The following CEMIP2 variants were observed in gnomAD, a reference collection of about 807,000 sequenced individuals.
The protein encoded by CEMIP2 is cell migration inducing hyaluronidase 2.
In CEMIP2, 79 loss-of-function variants were observed where a neutral mutation model predicts 146.9. The observed-to-expected ratio is 0.54, with a 90% CI of 0.45 to 0.65. The LOEUF is 0.65. Among genes scored for constraint, CEMIP2 ranks in the 30% least tolerant of loss-of-function variants. The pLI is 0.00. For missense variants in CEMIP2, 1,596 were observed against 1,696.2 expected (o/e 0.94, Z 1.04); for synonymous variants, 601 against 606.3 (o/e 0.99, Z 0.13).
chr9:71,689,940 G>A, intron 22 of CEMIP2, 152 bp downstream of exon 22: 2 of 918,086 alleles, frequency 2.2e-6, no homozygotes, highest in South Asian at 3.9e-5. Context: ...GACGACATGG[G>A]CGTCAATCTG....
At chr9:71,713,037 T>G (rs1232731101) in intron 15 of CEMIP2, among the ~76,000 whole-genome samples, 2 of 152,206 alleles carry the variant, frequency 1.3e-5, no homozygotes, top group Non-Finnish European at 2.9e-5. Context: ...TAGCCTAGTT[T>G]GAAAACCTTC....
At position 71,683,519 on chromosome 9, in the gene CEMIP2, AAC is replaced by A. The variant is rs59888879; in HGVS notation, c.*1676_*1677del. 0.12 allele frequency: 15,673 copies of A among 134,536 alleles called. 1,145 individuals are homozygous for A. The highest frequency in any genetic ancestry group is 0.17 in the Non-Finnish European group (10,659 of 63,968). The allele number at this position is 134,536 out of a possible 1,614,324, so 8.3% of individuals were successfully genotyped here. On this transcript the variant is annotated 3_prime_UTR_variant, in exon 24 of 24. Coordinates refer to ENST00000377044, the MANE Select transcript of CEMIP2 (RefSeq NM_013390.3). ...ACACGTAAAGATATTTAAGTCATAA[AAC>A]ACACACACACACACACACACACACA... is the stretch of plus-strand genomic sequence containing the variant.
At chr9:71,740,298 A>G (rs1427024343) in intron 4 of CEMIP2, 66 bp from the exon 5 acceptor site, 10 of 1,564,868 alleles carry the variant, frequency 6.4e-6, no homozygotes, top group Non-Finnish European at 1.7e-6. Context: ...CCTGACAAAG[A>G]TGTTATTACA....
Position 71,718,336 on chromosome 9 carries a change from T to C in CEMIP2, c.2268-257A>G, listed in dbSNP as rs140551509. 7.9e-3 allele frequency among the ~76,000 whole-genome samples: 1,200 copies of C among 152,316 alleles called. 9 individuals are homozygous for C. The highest frequency in any genetic ancestry group is 0.012 in the Non-Finnish European group (822 of 68,030). ...ATCAATTAAAATGGACACTGCAGAA[T>C]ATTATTGCATAAAAATCATTTCCAA... On this transcript the variant is annotated intron_variant, in intron 12 of 23. Transcript: ENST00000377044.
Position 71,706,106 on chromosome 9 carries a change from G to A in CEMIP2, c.2986-1303C>T, listed in dbSNP as rs554981268. 4.6e-5 allele frequency among the ~76,000 whole-genome samples: 7 copies of A among 152,056 alleles called. 1 individual carries two copies. The South Asian group carries it at 1.5e-3, about 32-fold the overall frequency. On this transcript the variant is annotated intron_variant, in intron 17 of 23. Transcript: ENST00000377044. ...TAGCCAGGTGTGGTGGCGGGTGCCT[G>A]TAATCCCAGCTACTTGGGAGGCTGA...
At chr9:71,715,475 C>T (rs181587364) in intron 14 of CEMIP2, among the ~76,000 whole-genome samples, 1 of 151,090 alleles carries the variant, frequency 6.6e-6, no homozygotes, top group Admixed American at 6.6e-5. Flanking sequence ...AAACTCTTGG[C>T]CTCAAGTGAT....
intron 10 of CEMIP2, among the ~76,000 whole-genome samples, chr9:71,727,616 C>T (rs974885905): frequency 6.6e-6 from 1 of 152,092 alleles, no homozygotes; most frequent in Non-Finnish European, 1.5e-5. Flanking sequence ...TTTGCTTCAT[C>T]TTAGCAAACA....
At chr9:71,695,923 C>G (rs1822387108) in intron 20 of CEMIP2, among the ~76,000 whole-genome samples, 2 of 151,934 alleles carry the variant, frequency 1.3e-5, no homozygotes, top group South Asian at 4.2e-4. Flanking sequence ...TGAGACCAGC[C>G]TAGGCAACAT....
At chr9:71,742,091 C>G (rs1342222647) in intron 4 of CEMIP2, among the ~76,000 whole-genome samples, 1 of 152,058 alleles carries the variant, frequency 6.6e-6, no homozygotes, top group South Asian at 2.1e-4. Flanking sequence ...TGTCAACTTC[C>G]CACTCTAGAA....
chr9:71,709,775 C>A (rs982835201), intron 16 of CEMIP2, among the ~76,000 whole-genome samples: 10 of 152,076 alleles, frequency 6.6e-5, no homozygotes, highest in Admixed American at 3.3e-4. Flanking sequence ...GTTCTCCAGA[C>A]AAAACTCATT....
At chr9:71,691,193 G>A (rs1395812814) in intron 21 of CEMIP2, among the ~76,000 whole-genome samples, 5 of 152,116 alleles carry the variant, frequency 3.3e-5, no homozygotes, top group African/African-American at 1.2e-4. Context: ...AGCACTTTGG[G>A]AGGTTGAGGT....
chr9:71,739,645 C>A (rs1823859681), intron 5 of CEMIP2, among the ~76,000 whole-genome samples: 2 of 152,130 alleles, frequency 1.3e-5, no homozygotes, highest in Non-Finnish European at 2.9e-5. Context: ...TTCAGCACCC[C>A]CAACTCAGCT....
At chr9:71,715,999 C>T (rs985592052) in intron 14 of CEMIP2, among the ~76,000 whole-genome samples, 2 of 151,946 alleles carry the variant, frequency 1.3e-5, no homozygotes, top group African/African-American at 4.8e-5. Flanking sequence ...ATTGATTGCT[C>T]TAGTCTCAAG....
At chr9:71,729,816 A>T in intron 10 of CEMIP2, 29 bp downstream of exon 10, 6 of 1,603,212 alleles carry the variant, frequency 3.7e-6, no homozygotes, top group Non-Finnish European at 5.1e-6. Flanking sequence ...AAACATTAAA[A>T]CATCTGAGGT....
intron 17 of CEMIP2, 96 bp from the exon 18 acceptor site, chr9:71,704,899 A>G: frequency 8.4e-7 from 1 of 1,193,462 alleles, no homozygotes; most frequent in Admixed American, 2.0e-5. Flanking sequence ...CAACTTTGAA[A>G]AGGGAGATTC....
rs1202446374 is a variant in CEMIP2 at position 71,718,020 on chromosome 9, C to T, written c.2327G>A (p.Arg776Lys). 1.2e-6 allele frequency: 2 copies of T among 1,613,024 alleles called. No individual in the cohort carries two copies. The highest frequency in any genetic ancestry group is 1.3e-5 in the African/African-American group (1 of 74,852). Residue 776 changes from arginine to lysine, a missense_variant, in exon 13 of 24, where the codon AGG becomes AAG. Transcript: ENST00000377044. Reference protein sequence around the residue: ...EKPRVAALIDRLIAFKNNDNG... With the variant: ...EKPRVAALIDKLIAFKNNDNG... Reference sequence around the variant, plus strand: ...ATCATTATTTTTAAAAGCAATGAGCCTGTCAATTAGAGCAGCAACACGTGG... The same window carrying T: ...ATCATTATTTTTAAAAGCAATGAGCTTGTCAATTAGAGCAGCAACACGTGG...
chr9:71,764,440 C>A (rs1824728098), intron 1 of CEMIP2, among the ~76,000 whole-genome samples: 1 of 151,592 alleles, frequency 6.6e-6, no homozygotes, highest in Non-Finnish European at 1.5e-5. Flanking sequence ...AAAGTGCTGA[C>A]TGGAAACAGG....
chr9:71,734,124 A>G (rs1589153522), intron 6 of CEMIP2, among the ~76,000 whole-genome samples: 1 of 152,232 alleles, frequency 6.6e-6, no homozygotes, highest in Non-Finnish European at 1.5e-5. Context: ...CTGGGATTAT[A>G]GGCGGGAGCC....
At chr9:71,731,932 A>G (rs1823629686) in intron 7 of CEMIP2, among the ~76,000 whole-genome samples, 2 of 152,274 alleles carry the variant, frequency 1.3e-5, no homozygotes, top group East Asian at 1.9e-4. Flanking sequence ...TACAAAAAAT[A>G]TTTTTATAGG....
Sources: allele counts gnomAD v4.1 joint callset (sites outside exome capture counted in the v4.1 genomes callset), GRCh38; gene constraint gnomAD v4.1.1; transcripts MANE v1.5; gene names NCBI Gene and HGNC (gene_info 2026-07-23, HGNC 2026-07-21).